Variants in ANKS1B observed in about 807,000 individuals in gnomAD.
The protein encoded by ANKS1B is ankyrin repeat and sterile alpha motif domain containing 1B, also known as ankyrin repeat and sterile alpha motif domain-containing protein 1B.
In ANKS1B, 36 loss-of-function variants were observed where a neutral mutation model predicts 148.3. The ratio of observed to expected loss-of-function variants is 0.24; its 90% CI spans 0.19 to 0.32. ANKS1B has a LOEUF of 0.32. ANKS1B is among the 10% of genes least tolerant of loss of function. ANKS1B has a pLI of 1.00. For synonymous variants in ANKS1B, 542 were observed against 560.8 expected (o/e 0.97, Z 0.47); for missense variants, 1,157 against 1,542.6 (o/e 0.75, Z 4.19).
intron 24 of ANKS1B, among the ~76,000 whole-genome samples, chr12:98,778,004 C>T (rs149978270): frequency 3.3e-5 from 5 of 152,160 alleles, no homozygotes; most frequent in African/African-American, 9.7e-5. Context: ...AAGTTTTAGT[C>T]GTTCTTCACG....
intron 8 of ANKS1B, among the ~76,000 whole-genome samples, chr12:99,770,684 A>G (rs2063111729): frequency 6.6e-6 from 1 of 152,062 alleles, no homozygotes; most frequent in Non-Finnish European, 1.5e-5. Context: ...TTCTTAAAAA[A>G]AAAACCAAAA....
chr12:99,914,967 T>G lies in ANKS1B; in HGVS notation c.134+69137A>C, dbSNP rs561933826. On this transcript the variant is annotated intron_variant, in intron 1 of 26. Coordinates refer to ENST00000683438, the MANE Select transcript of ANKS1B (RefSeq NM_001352186.2). ...ACTGTAAGGCGCAGTGGCTCACACC[T>G]GTAATCCCAGCACTTTGGTAGGCTG... 1.4e-4 allele frequency among the ~76,000 whole-genome samples: 21 copies of G among 152,168 alleles called. No individual in the cohort carries two copies. In the South Asian group the frequency reaches 4.2e-3, roughly 30 times the overall value.
intron 1 of ANKS1B, among the ~76,000 whole-genome samples, chr12:99,928,270 TA>T (rs1357904563): frequency 6.2e-5 from 5 of 80,120 alleles, no homozygotes; most frequent in African/African-American, 2.6e-4. Context: ...TATTTTATTT[TA>T]TTTTTTTTTT....
intron 14 of ANKS1B, among the ~76,000 whole-genome samples, chr12:99,169,625 T>C (rs1331887808): frequency 6.6e-6 from 1 of 152,246 alleles, no homozygotes; most frequent in African/African-American, 2.4e-5. Context: ...TGGCCTTTTA[T>C]ATATGTTATC....
chr12:99,355,423 T>A (rs2091880505), intron 12 of ANKS1B, among the ~76,000 whole-genome samples: 1 of 152,162 alleles, frequency 6.6e-6, no homozygotes, highest in Admixed American at 6.6e-5. Flanking sequence ...TAACCAAAGT[T>A]TAGGTTCATT....
At position 99,599,731 on chromosome 12, in the gene ANKS1B, C is replaced by T. The variant is rs553428284; in HGVS notation, c.1272+55336G>A. Reference sequence around the variant, plus strand: ...TGGGGATAACTGTGAATAGGAAATACCATAGGAGGTACTAAAGGCAAGGAT... The same window carrying T: ...TGGGGATAACTGTGAATAGGAAATATCATAGGAGGTACTAAAGGCAAGGAT... On this transcript the variant is annotated intron_variant, in intron 9 of 26. Coordinates refer to ENST00000683438, the MANE Select transcript of ANKS1B (RefSeq NM_001352186.2). Among the ~76,000 whole-genome samples, 29 of 151,956 alleles carry T rather than the reference C, an allele frequency of 1.9e-4. No homozygotes were observed. The South Asian group carries it at 6.0e-3, about 32-fold the overall frequency.
At chr12:99,098,769 C>A (rs890301460) in intron 15 of ANKS1B, among the ~76,000 whole-genome samples, 1 of 146,180 alleles carries the variant, frequency 6.8e-6, no homozygotes, top group Admixed American at 6.7e-5. Flanking sequence ...TTCCCCCCCC[C>A]ACCCCCAGCT....
intron 17 of ANKS1B, among the ~76,000 whole-genome samples, chr12:99,039,152 C>G (rs2099957357): frequency 1.3e-5 from 2 of 152,228 alleles, no homozygotes; most frequent in Non-Finnish European, 2.9e-5. Flanking sequence ...CAGTTGGACA[C>G]TTTCTAGGCA....
At chr12:98,902,448 C>T (rs2099773416) in intron 17 of ANKS1B, among the ~76,000 whole-genome samples, 1 of 152,220 alleles carries the variant, frequency 6.6e-6, no homozygotes, top group Admixed American at 6.5e-5. Context: ...AGTAATTATA[C>T]ATCCCAAATT....
At chr12:99,880,552 G>A (rs10745877) in intron 1 of ANKS1B, among the ~76,000 whole-genome samples, 97,593 of 151,980 alleles carry the variant, frequency 0.64, 32,826 homozygotes, top group African/African-American at 0.77. Flanking sequence ...GCAAAATTTG[G>A]ACCAAATTAT....
intron 17 of ANKS1B, among the ~76,000 whole-genome samples, chr12:98,995,191 T>C (rs2099928785): frequency 6.6e-6 from 1 of 152,206 alleles, no homozygotes; most frequent in African/African-American, 2.4e-5. Context: ...ACCCGACATA[T>C]ATTGAGTCTT....
At chr12:99,158,991 T>C (rs1376000548) in intron 14 of ANKS1B, among the ~76,000 whole-genome samples, 1 of 152,096 alleles carries the variant, frequency 6.6e-6, no homozygotes, top group Non-Finnish European at 1.5e-5. Context: ...ATTCATAGAA[T>C]AGAAAGTTCA....
chr12:99,069,908 G>T (rs1599391371), intron 16 of ANKS1B, among the ~76,000 whole-genome samples: 2 of 152,150 alleles, frequency 1.3e-5, no homozygotes, highest in East Asian at 3.9e-4. Flanking sequence ...ATAGACTCTG[G>T]AGCCAGCCTG....
intron 12 of ANKS1B, among the ~76,000 whole-genome samples, chr12:99,337,695 A>T (rs2089191980): frequency 6.6e-6 from 1 of 152,204 alleles, no homozygotes; most frequent in Admixed American, 6.5e-5. Context: ...GACTTTGGTT[A>T]CTGCAGCCAT....
intron 17 of ANKS1B, among the ~76,000 whole-genome samples, chr12:99,050,001 A>C (rs1027243219): frequency 6.6e-6 from 1 of 152,202 alleles, no homozygotes; most frequent in African/African-American, 2.4e-5. Flanking sequence ...TGGTTCCCTT[A>C]AAACTAGCGA....
intron 12 of ANKS1B, among the ~76,000 whole-genome samples, chr12:99,378,020 G>C (rs1466186280): frequency 1.3e-5 from 2 of 152,146 alleles, no homozygotes; most frequent in Non-Finnish European, 2.9e-5. Flanking sequence ...TTAATTAAAA[G>C]AGAGCCTCAA....
intron 9 of ANKS1B, among the ~76,000 whole-genome samples, chr12:99,565,324 C>T (rs143487758): frequency 4.6e-5 from 7 of 152,228 alleles, no homozygotes; most frequent in African/African-American, 1.7e-4. Flanking sequence ...TTAAGTGCAG[C>T]TCCTGGGGCA....
intron 17 of ANKS1B, among the ~76,000 whole-genome samples, chr12:99,041,956 G>C (rs2099959300): frequency 6.6e-6 from 1 of 152,032 alleles, no homozygotes; most frequent in Non-Finnish European, 1.5e-5. Flanking sequence ...AAACTTGATT[G>C]CACCACTGCA....
chr12:98,835,623 C>T (rs1004100392), intron 17 of ANKS1B, among the ~76,000 whole-genome samples: 6 of 152,230 alleles, frequency 3.9e-5, no homozygotes, highest in East Asian at 1.9e-4. Context: ...CCATCCACAT[C>T]GCTTAATCTT....
Sources: allele counts gnomAD v4.1 joint callset (sites outside exome capture counted in the v4.1 genomes callset), GRCh38; gene constraint gnomAD v4.1.1; transcripts MANE v1.5; gene names NCBI Gene and HGNC (gene_info 2026-07-23, HGNC 2026-07-21).